The following FANCC variants were observed in gnomAD, a reference collection of about 807,000 sequenced individuals.
FANCC encodes the protein Fanconi anemia group C protein.
In FANCC, 55 loss-of-function variants were observed where a neutral mutation model predicts 71.3. The ratio of observed to expected loss-of-function variants is 0.77; its 90% confidence interval spans 0.62 to 0.97. The LOEUF (loss-of-function observed/expected upper bound fraction) is 0.97. Among genes scored for constraint, FANCC ranks in the 50% least tolerant of loss-of-function variants. The probability of loss-of-function intolerance (pLI) is 0.00; values close to 1 mark genes in which losing one functional copy is unlikely to be tolerated. For synonymous variants in FANCC, 275 were observed against 244.9 expected (o/e 1.12, Z -1.15); for missense variants, 678 against 670.9 (o/e 1.01, Z -0.12).
At chr9:95,176,885 C>T (rs1826041676) in intron 4 of FANCC, among the ~76,000 whole-genome samples, 1 of 152,204 alleles carries the variant, frequency 6.6e-6, no homozygotes, top group African/African-American at 2.4e-5. Context: ...CCACAGCCTC[C>T]CAGAAGCACT....
intron 1 of FANCC, among the ~76,000 whole-genome samples, chr9:95,316,398 T>C (rs1280054857): frequency 6.6e-6 from 1 of 152,222 alleles, no homozygotes; most frequent in Non-Finnish European, 1.5e-5. Flanking sequence ...ACACATGGTA[T>C]GAATTCTACT....
rs942979148 is a variant in FANCC at position 95,099,911 on chromosome 9, G to A, written c.*1796C>T. 2 of 233,148 alleles carry A rather than the reference G, an allele frequency of 8.6e-6. No homozygotes were observed. Among genetic ancestry groups the A allele is most frequent in the Admixed American group, 5.6e-5 (1 of 17,748 alleles). The allele number at this position is 233,148 out of a possible 1,614,324, so 14.4% of individuals were successfully genotyped here. ...GGGCAGAGGCCTGGCAGGGGAGGAG[G>A]AAGAGGCCAACCCTGTACACAGGAC... On this transcript the variant is annotated 3_prime_UTR_variant, in exon 15 of 15. Transcript: ENST00000289081.
At chr9:95,101,959 G>A in intron 14 of FANCC, 109 bp from the exon 15 acceptor site, 3 of 1,270,926 alleles carry the variant, frequency 2.4e-6, no homozygotes, top group Admixed American at 1.9e-5. Context: ...GCCCTATCCA[G>A]CATTTCCATC....
chr9:95,100,067 C>T lies in FANCC; in HGVS notation c.*1640G>A, dbSNP rs1313874386. Reference sequence around the variant, plus strand: ...GGAGTCACAGCTTCCATGGCCCAGCCACAAGTTCTGGCTTAAAGTCAGAAC... The same window carrying T: ...GGAGTCACAGCTTCCATGGCCCAGCTACAAGTTCTGGCTTAAAGTCAGAAC... On this transcript the variant is annotated 3_prime_UTR_variant, in exon 15 of 15. Coordinates refer to ENST00000289081, the MANE Select transcript of FANCC (RefSeq NM_000136.3). The T allele has an allele frequency of 1.3e-5, 3 of 232,232 alleles. No homozygotes were observed. The highest frequency in any genetic ancestry group is 1.1e-4 in the Admixed American group (2 of 17,736). 14.4% of individuals were successfully genotyped at this position (232,232 alleles called of 1,614,324 possible). A position where few individuals can be genotyped will look rare whatever the true frequency, so the allele number is the denominator to read the frequency against.
intron 1 of FANCC, among the ~76,000 whole-genome samples, chr9:95,313,516 G>A (rs756383999): frequency 2.8e-4 from 43 of 152,218 alleles, no homozygotes; most frequent in Non-Finnish European, 5.1e-4. Flanking sequence ...TCCACGAACT[G>A]ATGACTTTGT....
intron 1 of FANCC, among the ~76,000 whole-genome samples, chr9:95,267,468 G>C (rs1045590303): frequency 6.6e-6 from 1 of 152,180 alleles, no homozygotes; most frequent in African/African-American, 2.4e-5. Flanking sequence ...AGTGTGCAGA[G>C]AGGGAGAAAG....
intron 4 of FANCC, among the ~76,000 whole-genome samples, chr9:95,229,717 G>T (rs1250867152): frequency 1.3e-5 from 2 of 151,930 alleles, no homozygotes; most frequent in Non-Finnish European, 2.9e-5. Context: ...CAGGGGAAAG[G>T]TTCGACCTGG....
At chr9:95,117,495 T>C (rs533290965) in intron 10 of FANCC, 105 bp from the exon 11 acceptor site, 4 of 817,712 alleles carry the variant, frequency 4.9e-6, no homozygotes, top group South Asian at 4.3e-5. Flanking sequence ...CCACCAGTAC[T>C]AACATGGTCA....
chr9:95,287,792 A>G (rs759139067), intron 1 of FANCC, among the ~76,000 whole-genome samples: 4 of 152,208 alleles, frequency 2.6e-5, no homozygotes, highest in Non-Finnish European at 4.4e-5. Flanking sequence ...GTGTACAACA[A>G]AAAGGCAGGC....
intron 8 of FANCC, among the ~76,000 whole-genome samples, chr9:95,132,351 G>C (rs1222810563): frequency 6.6e-6 from 1 of 152,192 alleles, no homozygotes; most frequent in Non-Finnish European, 1.5e-5. Flanking sequence ...TCTAATTTGG[G>C]GCCAGCCTTG....
At chr9:95,223,870 G>A (rs1356592288) in intron 4 of FANCC, among the ~76,000 whole-genome samples, 2 of 152,126 alleles carry the variant, frequency 1.3e-5, no homozygotes, top group African/African-American at 2.4e-5. Flanking sequence ...CCAGCTACTC[G>A]GGAGGCTGAG....
At chr9:95,238,567 C>CT (rs757266479) in intron 4 of FANCC, among the ~76,000 whole-genome samples, 67 of 149,816 alleles carry the variant, frequency 4.5e-4, no homozygotes, top group South Asian at 3.2e-3. Flanking sequence ...TTCCTTTTTT[C>CT]TTTTTTTTTG....
At chr9:95,169,410 T>C (rs752218427) in intron 6 of FANCC, among the ~76,000 whole-genome samples, 12 of 152,214 alleles carry the variant, frequency 7.9e-5, no homozygotes, top group Non-Finnish European at 1.3e-4. Flanking sequence ...ACTGGGTGTC[T>C]TGAAATATAT....
In FANCC at chr9:95,155,355, G is replaced by GAGGA. The variant is rs1564703188; in HGVS notation, c.522-5269_522-5268insTCCT. Among the ~76,000 whole-genome samples, 3 of 89,152 alleles carry GAGGA rather than the reference G, an allele frequency of 3.4e-5. No individual in the cohort carries two copies. The East Asian group carries it at 1.4e-3, about 43-fold the overall frequency. The allele number at this position is 89,152 out of a possible 152,430, so 58.5% of individuals were successfully genotyped here. On this transcript the variant is annotated intron_variant, in intron 6 of 14. Coordinates refer to ENST00000289081, the MANE Select transcript of FANCC (RefSeq NM_000136.3). ...GAAGGAAGGGAGGAAGGGAGGGAGG[G>GAGGA]AGGGAGGGAGGGAGGGAGGAAAAAG...
chr9:95,256,297 G>C (rs1831652827), intron 1 of FANCC, among the ~76,000 whole-genome samples: 2 of 152,194 alleles, frequency 1.3e-5, no homozygotes, highest in Non-Finnish European at 2.9e-5. Flanking sequence ...AGAGAGAAAG[G>C]TCGGGTTACC....
chr9:95,203,551 A>T (rs1279076857), intron 4 of FANCC, among the ~76,000 whole-genome samples: 1 of 152,152 alleles, frequency 6.6e-6, no homozygotes. Flanking sequence ...ATATATTAGC[A>T]GTTCTTAAGT....
intron 4 of FANCC, 59 bp from the exon 5 acceptor site, chr9:95,172,206 T>C (rs1189994247): frequency 2.8e-6 from 3 of 1,073,266 alleles, no homozygotes; most frequent in African/African-American, 1.6e-5. Context: ...GTGCCTTTTA[T>C]GTACAATGCC....
At chr9:95,202,656 A>T (rs2135814046) in intron 4 of FANCC, among the ~76,000 whole-genome samples, 1 of 152,358 alleles carries the variant, frequency 6.6e-6, no homozygotes. Flanking sequence ...AAGTAATTAC[A>T]TTCTAAAGGA....
intron 1 of FANCC, among the ~76,000 whole-genome samples, chr9:95,306,927 G>A (rs1158612755): frequency 6.6e-6 from 1 of 152,094 alleles, no homozygotes; most frequent in African/African-American, 2.4e-5. Flanking sequence ...AGGCTGGAGT[G>A]CAGTGGTATG....
Sources: gnomAD v4.1 joint callset for allele counts (sites outside exome capture counted in the v4.1 genomes callset) on GRCh38, gnomAD v4.1.1 for gene constraint, MANE v1.5 for transcripts, NCBI Gene and HGNC (gene_info 2026-07-23, HGNC 2026-07-21) for gene names.